Variants in NBPF3 observed in about 807,000 individuals in gnomAD.
NBPF3 encodes the protein NBPF family member NBPF3.
Under a neutral mutation model 78.1 loss-of-function variants are expected in NBPF3, and 57 were observed. The ratio of observed to expected loss-of-function variants is 0.73; its 90% confidence interval spans 0.59 to 0.91. NBPF3 has a LOEUF of 0.91. Among genes scored for constraint, NBPF3 ranks in the 40% least tolerant of loss-of-function variants. NBPF3 has a pLI of 0.00. For synonymous variants in NBPF3, 182 were observed against 271.7 expected (o/e 0.67, Z 3.25); for missense variants, 510 against 715.3 (o/e 0.71, Z 3.27).
In NBPF3 at chr1:21,474,988, T is replaced by C. The variant is rs199636901; in HGVS notation, c.992+37T>C. ...GAATTGTGGGCTGTTAATTCAATAGTGGCAGCTGGAGTTTGTAGATTTAGA... is the reference window on the plus strand; with the variant it reads ...GAATTGTGGGCTGTTAATTCAATAGCGGCAGCTGGAGTTTGTAGATTTAGA... On this transcript the variant is annotated intron_variant, in intron 8 of 14. Transcript: ENST00000318249. 5.1e-6 allele frequency: 8 copies of C among 1,565,870 alleles called. No individual in the cohort carries two copies. In the African/African-American group the frequency reaches 6.8e-5, roughly 13 times the overall value.
At chr1:21,474,795 T>C (rs1642802462) in intron 7 of NBPF3, 105 bp from the exon 8 acceptor site, 1 of 1,053,710 alleles carries the variant, frequency 9.5e-7, no homozygotes, top group African/African-American at 1.6e-5. Flanking sequence ...TCCATATTCT[T>C]GCACTGAGAA....
In NBPF3 at chr1:21,460,380, A is replaced by C. The variant is rs1004015264; in HGVS notation, c.134-8308A>C. Among the ~76,000 whole-genome samples, 1 of 152,060 alleles carries C rather than the reference A, an allele frequency of 6.6e-6. No individual in the cohort carries two copies. The highest frequency in any genetic ancestry group is 2.4e-5 in the African/African-American group (1 of 41,386). ...TAATGCTATCCCTCCTCCAGCCCCC[A>C]ACCCCAGGGACAGGCCGTGGTGTGT... On this transcript the variant is annotated intron_variant, in intron 2 of 14. Coordinates refer to ENST00000318249, the MANE Select transcript of NBPF3 (RefSeq NM_032264.6). This position sits in a 1 kb window ranked among gnomAD's most constrained non-coding sequence, Gnocchi z 4.2.
intron 1 of NBPF3, among the ~76,000 whole-genome samples, chr1:21,443,043 A>G (rs1044364498): frequency 2.0e-5 from 3 of 152,098 alleles, no homozygotes; most frequent in African/African-American, 4.8e-5. Context: ...CTTCTGCACC[A>G]TGTGGCACTT....
chr1:21,469,207 C>T (rs908337874), intron 3 of NBPF3, among the ~76,000 whole-genome samples: 3 of 152,178 alleles, frequency 2.0e-5, no homozygotes, highest in African/African-American at 7.2e-5. Context: ...CCTCTCTGTA[C>T]CATATAAGAT....
intron 10 of NBPF3, among the ~76,000 whole-genome samples, chr1:21,479,820 C>CTCTGTGTGTGTGTGTGTGTGTGTGTGTG (rs766796014): frequency 9.7e-6 from 1 of 102,808 alleles, no homozygotes; most frequent in African/African-American, 3.4e-5. Context: ...CTCTCTCTCT[C>CTCTGTGTGTGTGTGTGTGTGTGTGTGTG]TGTGTGTGTG....
At chr1:21,454,087 A>G (rs1387773170) in intron 2 of NBPF3, 1 of 152,172 alleles carries the variant, frequency 6.6e-6, no homozygotes, top group African/African-American at 2.4e-5. Context: ...CAGCTGCTAC[A>G]CTCCGAATGG....
At chr1:21,457,382 G>GTATATATATGTATA (rs1641680792) in intron 2 of NBPF3, among the ~76,000 whole-genome samples, 1 of 148,614 alleles carries the variant, frequency 6.7e-6, no homozygotes, top group Non-Finnish European at 1.5e-5. Flanking sequence ...ATATATGTAT[G>GTATATATATGTATA]TATATATATG....
At chr1:21,479,820 C>CTCTCTCTGTGTGTGTGTGTGTGTG (rs766796014) in intron 10 of NBPF3, among the ~76,000 whole-genome samples, 2 of 102,808 alleles carry the variant, frequency 1.9e-5, no homozygotes, top group African/African-American at 6.7e-5. Flanking sequence ...CTCTCTCTCT[C>CTCTCTCTGTGTGTGTGTGTGTGTG]TGTGTGTGTG....
chr1:21,481,290 G>T (rs1168346165), intron 12 of NBPF3, among the ~76,000 whole-genome samples: 1 of 151,234 alleles, frequency 6.6e-6, no homozygotes, highest in Admixed American at 6.6e-5. Context: ...ATCACTGTAT[G>T]CTGTGTGCCC....
At chr1:21,463,868 G>T (rs368841032) in intron 2 of NBPF3, among the ~76,000 whole-genome samples, 1 of 152,106 alleles carries the variant, frequency 6.6e-6, no homozygotes, top group Non-Finnish European at 1.5e-5. Context: ...AATGTTTTTC[G>T]TCATTAGGAA....
At chr1:21,471,065 C>T (rs1642563445) in intron 4 of NBPF3, among the ~76,000 whole-genome samples, 1 of 114,760 alleles carries the variant, frequency 8.7e-6, no homozygotes, top group South Asian at 2.8e-4. Flanking sequence ...CCCCACTCAC[C>T]CTTAGTCAGA....
chr1:21,462,592 G>A (rs763674975), intron 2 of NBPF3, among the ~76,000 whole-genome samples: 1 of 152,124 alleles, frequency 6.6e-6, no homozygotes, highest in Non-Finnish European at 1.5e-5. Context: ...AGACAAAAAA[G>A]TATAATAAAA....
intron 2 of NBPF3, among the ~76,000 whole-genome samples, chr1:21,448,960 C>T (rs188702177): frequency 4.6e-5 from 7 of 152,250 alleles, no homozygotes; most frequent in Middle Eastern, 3.4e-3. Flanking sequence ...CCCAAAAGTT[C>T]GTTTAAAGAA....
chr1:21,483,084 G>C, intron 14 of NBPF3, 59 bp from the exon 15 acceptor site: 1 of 1,608,878 alleles, frequency 6.2e-7, no homozygotes, highest in Non-Finnish European at 8.5e-7. Context: ...AAATCTAGTT[G>C]GGGCTCTGTG....
chr1:21,443,594 GT>G (rs1640789987), intron 1 of NBPF3, among the ~76,000 whole-genome samples: 1 of 152,026 alleles, frequency 6.6e-6, no homozygotes, highest in South Asian at 2.1e-4. Context: ...CTACATAATA[GT>G]TTTAGGACTA....
chr1:21,464,755 C>T (rs550017243), intron 2 of NBPF3, among the ~76,000 whole-genome samples: 2,403 of 151,708 alleles, frequency 0.016, 65 homozygotes, highest in African/African-American at 0.054. Context: ...CTTCTGTAAT[C>T]CCAGCACTTT....
chr1:21,484,069 A>G lies in NBPF3; in HGVS notation c.*683A>G, dbSNP rs1441327448. 2.1e-4 allele frequency: 27 copies of G among 130,468 alleles called. No individual in the cohort carries two copies. Among genetic ancestry groups the G allele is most frequent in the Non-Finnish European group, 3.3e-5 (2 of 59,900 alleles). The allele number at this position is 130,468 out of a possible 1,614,324, so 8.1% of individuals were successfully genotyped here. On this transcript the variant is annotated 3_prime_UTR_variant, in exon 15 of 15. Transcript: ENST00000318249. The stretch of plus-strand genomic sequence containing the variant: ...AGGAGTCAGGAGCCGCTGGCAAGAG[A>G]CAGCATGTCACCTGGGACTCTGCCA...
chr1:21,446,494 C>CTTCCTTCT (rs1285178731), intron 2 of NBPF3: 1 of 146,578 alleles, frequency 6.8e-6, no homozygotes, highest in Admixed American at 6.9e-5. Flanking sequence ...TCCTTCCTTC[C>CTTCCTTCT]CTACTTCCCT....
At chr1:21,473,735 C>A in intron 7 of NBPF3, 150 bp downstream of exon 7, 2 of 728,684 alleles carry the variant, frequency 2.7e-6, no homozygotes, top group South Asian at 1.8e-5. Flanking sequence ...TCCTTCTCAG[C>A]TCATGTCATG....
Sources: gnomAD v4.1 joint callset for allele counts (sites outside exome capture counted in the v4.1 genomes callset) on GRCh38, gnomAD v4.1.1 for gene constraint, Gnocchi (gnomAD v3.1) non-coding constraint, MANE v1.5 for transcripts, NCBI Gene and HGNC (gene_info 2026-07-23, HGNC 2026-07-21) for gene names.